Variants in SNX25 observed in about 807,000 individuals in gnomAD.
The protein encoded by SNX25 is sorting nexin 25.
A neutral mutation model predicts 113.7 loss-of-function variants in SNX25; 62 were observed. The ratio of observed to expected loss-of-function variants is 0.55; its 90% CI spans 0.44 to 0.67. SNX25 has a LOEUF of 0.67. Among genes scored for constraint, SNX25 ranks in the 30% least tolerant of loss-of-function variants. SNX25 has a pLI of 0.00. For synonymous variants in SNX25, 421 were observed against 436.2 expected (o/e 0.97, Z 0.43); for missense variants, 1,014 against 1,161.0 (o/e 0.87, Z 1.84).
downstream of SNX25, among the ~76,000 whole-genome samples, chr4:185,373,519 G>A (rs2095423031): frequency 6.6e-6 from 1 of 152,292 alleles, no homozygotes; most frequent in East Asian, 1.9e-4. Flanking sequence ...CAGGATAAAC[G>A]CTGTATGTAG....
At chr4:185,275,924 G>A (rs930447165) in intron 5 of SNX25, among the ~76,000 whole-genome samples, 1 of 152,168 alleles carries the variant, frequency 6.6e-6, no homozygotes, top group African/African-American at 2.4e-5. Context: ...AACTCAAAAT[G>A]TGAGGCTGTT....
intron 7 of SNX25, among the ~76,000 whole-genome samples, chr4:185,317,322 CA>C (rs1414691992): frequency 6.6e-6 from 1 of 152,196 alleles, no homozygotes; most frequent in African/African-American, 2.4e-5. Context: ...CGGGAAACAA[CA>C]GATGCTGACG....
chr4:185,319,033 G>A (rs993686214), intron 7 of SNX25, among the ~76,000 whole-genome samples: 1 of 150,582 alleles, frequency 6.6e-6, no homozygotes, highest in Non-Finnish European at 1.5e-5. Flanking sequence ...TGGAACACGT[G>A]GATTACCATA....
downstream of SNX25, chr4:185,366,110 C>G (rs2095387245): frequency 6.6e-6 from 1 of 152,204 alleles, no homozygotes; most frequent in South Asian, 2.1e-4. Flanking sequence ...GTTAAGGTAT[C>G]TCTGAGACCT....
At chr4:185,216,922 C>T (rs773489578) in intron 1 of SNX25, among the ~76,000 whole-genome samples, 1 of 152,008 alleles carries the variant, frequency 6.6e-6, no homozygotes, top group African/African-American at 2.4e-5. Flanking sequence ...GTACATGTAC[C>T]GTTTGAGATT....
At chr4:185,302,055 A>G (rs1361013617) in intron 6 of SNX25, among the ~76,000 whole-genome samples, 1 of 150,290 alleles carries the variant, frequency 6.7e-6, no homozygotes, top group Non-Finnish European at 1.5e-5. Context: ...GCCCGTCACC[A>G]CATGCAGCTA....
At chr4:185,205,445 CTG>C (rs77119959), upstream of SNX25, among the ~76,000 whole-genome samples, 68,875 of 150,392 alleles carry the variant, frequency 0.46, 16,300 homozygotes, top group East Asian at 0.59. Context: ...CAGAGTAAGA[CTG>C]TGTCTCAAAA....
chr4:185,289,539 C>G (rs370794410), intron 6 of SNX25, among the ~76,000 whole-genome samples: 1 of 152,074 alleles, frequency 6.6e-6, no homozygotes, highest in Non-Finnish European at 1.5e-5. Context: ...CTCAGAGAGG[C>G]GGCAGGGAAC....
At chr4:185,283,843 A>G (rs950536267) in intron 5 of SNX25, among the ~76,000 whole-genome samples, 3 of 152,240 alleles carry the variant, frequency 2.0e-5, no homozygotes, top group Non-Finnish European at 4.4e-5. Context: ...AGTACAATCT[A>G]TGAATGTTTG....
intron 1 of SNX25, among the ~76,000 whole-genome samples, chr4:185,240,572 G>T (rs1743676379): frequency 6.8e-6 from 1 of 147,784 alleles, no homozygotes. Flanking sequence ...GGGCAGAGGG[G>T]CTCCTCACTT....
chr4:185,251,280 C>A (rs1006706484), intron 2 of SNX25, among the ~76,000 whole-genome samples: 2 of 152,154 alleles, frequency 1.3e-5, no homozygotes, highest in Admixed American at 6.5e-5. Flanking sequence ...TAGGCATGAG[C>A]CCCCGCACCC....
intron 16 of SNX25, among the ~76,000 whole-genome samples, chr4:185,358,373 A>C (rs987600728): frequency 1.3e-5 from 2 of 152,210 alleles, no homozygotes; most frequent in African/African-American, 2.4e-5. Context: ...TGCTCATAAA[A>C]AGTGATCCAC....
intron 12 of SNX25, among the ~76,000 whole-genome samples, chr4:185,345,732 C>T (rs2095282502): frequency 6.6e-6 from 1 of 151,580 alleles, no homozygotes; most frequent in Non-Finnish European, 1.5e-5. Context: ...TCAAGGCTGC[C>T]ATGAGCCATG....
intron 6 of SNX25, among the ~76,000 whole-genome samples, chr4:185,298,450 T>C (rs969909794): frequency 1.4e-4 from 21 of 152,114 alleles, no homozygotes; most frequent in Admixed American, 3.9e-4. Context: ...AAAAATAATA[T>C]ATTTTTCATA....
intron 17 of SNX25, 149 bp downstream of exon 17, chr4:185,362,254 G>T (rs2095368389): frequency 1.5e-6 from 2 of 1,376,276 alleles, no homozygotes; most frequent in Non-Finnish European, 1.9e-6. Context: ...TTTGTCACTT[G>T]CTAAGAAGTT....
At chr4:185,242,836 A>G (rs1434031633) in intron 1 of SNX25, among the ~76,000 whole-genome samples, 1 of 152,152 alleles carries the variant, frequency 6.6e-6, no homozygotes, top group Non-Finnish European at 1.5e-5. Context: ...ATAACAAAAG[A>G]CTGTAACAAG....
chr4:185,315,747 G>T (rs2095069146), intron 7 of SNX25, among the ~76,000 whole-genome samples: 1 of 152,076 alleles, frequency 6.6e-6, no homozygotes. Flanking sequence ...ACTTCAAAAT[G>T]GTGTCTCTCA....
chr4:185,267,066 C>T lies in SNX25; in HGVS notation c.1002C>T (p.His334=), dbSNP rs778017947. Residue 334 remains histidine, a synonymous_variant, in exon 5 of 19, where the codon CAC becomes CAT. Coordinates refer to ENST00000652585, the MANE Select transcript of SNX25 (RefSeq NM_001378034.2). ...ACAGAGAGCAAATGAATGAGCATCA[C>T]AAGAGAGCCTACACCTATGCCCCCT... ...LAYREQMNEH[H]KRAYTYAPSY... is the part of the protein sequence containing the mutation. The T allele has an allele frequency of 6.2e-6, 10 of 1,614,062 alleles. No individual in the cohort carries two copies. The highest frequency in any genetic ancestry group is 5.0e-5 in the Admixed American group (3 of 60,022).
intron 6 of SNX25, among the ~76,000 whole-genome samples, chr4:185,288,289 C>T (rs1240289669): frequency 4.6e-5 from 7 of 152,106 alleles, no homozygotes; most frequent in Non-Finnish European, 8.8e-5. Flanking sequence ...TTTCTGTATT[C>T]CCGTATAAAC....
Sources: gnomAD v4.1 joint callset for allele counts (sites outside exome capture counted in the v4.1 genomes callset) on GRCh38, gnomAD v4.1.1 for gene constraint, MANE v1.5 for transcripts, NCBI Gene and HGNC (gene_info 2026-07-23, HGNC 2026-07-21) for gene names.